CHEK1: variants seen among roughly 807,000 people sequenced by gnomAD.
The protein encoded by CHEK1 is checkpoint kinase 1, also known as serine/threonine-protein kinase Chk1.
Under a neutral mutation model 60.2 loss-of-function variants are expected in CHEK1, and 32 were observed. The observed-to-expected ratio is 0.53, with a 90% confidence interval of 0.40 to 0.71. CHEK1 has a LOEUF of 0.71. CHEK1 is among the 30% of genes least tolerant of loss of function. The probability of loss-of-function intolerance (pLI) is 0.00; values close to 1 mark genes in which losing one functional copy is unlikely to be tolerated. For synonymous variants in CHEK1, 179 were observed against 187.2 expected, an observed-to-expected ratio of 0.96 and a Z score of 0.36; for missense variants, 399 against 564.6, an observed-to-expected ratio of 0.71 and a Z score of 2.97.
At chr11:125,654,085 C>T (rs1209410715) in intron 12 of CHEK1, among the ~76,000 whole-genome samples, 1 of 151,098 alleles carries the variant, frequency 6.6e-6, no homozygotes, top group African/African-American at 2.4e-5. Context: ...AATCCCAGCA[C>T]TTTGGGAGTC....
At chr11:125,668,686 G>A (rs1007247180) in intron 13 of CHEK1, among the ~76,000 whole-genome samples, 1 of 152,106 alleles carries the variant, frequency 6.6e-6, no homozygotes, top group African/African-American at 2.4e-5. Flanking sequence ...CTGGGTAACT[G>A]GGACTATAGG....
At chr11:125,643,664 T>C (rs1489591158) in intron 8 of CHEK1, 128 bp from the exon 9 acceptor site, 1 of 654,010 alleles carries the variant, frequency 1.5e-6, no homozygotes, top group Admixed American at 3.1e-5. Flanking sequence ...TTTTATATCT[T>C]ACAAAAATTT....
intron 5 of CHEK1, 49 bp from the exon 6 acceptor site, chr11:125,633,114 A>C: frequency 1.5e-5 from 22 of 1,472,176 alleles, no homozygotes; most frequent in Middle Eastern, 1.8e-4. Context: ...AAGTATATCT[A>C]TTTGCAAAAC....
rs1390626647 is a variant in CHEK1, at chr11:125,655,824, C to T, written c.*504C>T. The T allele has an allele frequency of 9.3e-6, 2 of 213,916 alleles. No homozygotes were observed. The highest frequency in any genetic ancestry group is 1.9e-5 in the Non-Finnish European group (2 of 105,942). The allele number at this position is 213,916 out of a possible 1,614,324, so 13.3% of individuals were successfully genotyped here. ...TCCCCAAGATTTGTACTTATATTTT[C>T]AAAAGGGCCTGGCCAGTTATATAAA... On this transcript the variant is annotated 3_prime_UTR_variant, in exon 13 of 13. Coordinates refer to ENST00000438015, the MANE Select transcript of CHEK1 (RefSeq NM_001114122.3).
intron 13 of CHEK1, among the ~76,000 whole-genome samples, chr11:125,666,370 G>C (rs996254471): frequency 1.3e-5 from 2 of 151,898 alleles, no homozygotes; most frequent in South Asian, 4.1e-4. Context: ...CAATATACTT[G>C]ATATGATTTT....
downstream of CHEK1, among the ~76,000 whole-genome samples, chr11:125,660,755 A>G (rs1358759313): frequency 1.3e-5 from 2 of 151,684 alleles, no homozygotes; most frequent in African/African-American, 4.8e-5. Context: ...TTATTAACAA[A>G]AAAAAAAAAG....
chr11:125,633,414 A>T (rs1226843702), intron 6 of CHEK1, 63 bp downstream of exon 6: 10 of 1,336,646 alleles, frequency 7.5e-6, no homozygotes, highest in Non-Finnish European at 9.0e-6. Context: ...ACTGAAATAA[A>T]TGAAATAAAC....
Position 125,638,124 on chromosome 11 carries a change from C to T in CHEK1, c.814+580C>T, listed in dbSNP as rs1313836764. ...ATTTGTGGAAGAAGACCTTGTAAGCCATGTTAAGGATTTTGGGCTTTAACT... is the reference window on the plus strand; with the variant it reads ...ATTTGTGGAAGAAGACCTTGTAAGCTATGTTAAGGATTTTGGGCTTTAACT... On this transcript the variant is annotated intron_variant, in intron 8 of 12. Transcript: ENST00000438015. Among the ~76,000 whole-genome samples the T allele has an allele frequency of 2.0e-5, 3 of 152,164 alleles. No individual in the cohort carries two copies. In the East Asian group the frequency reaches 5.8e-4, roughly 29 times the overall value.
chr11:125,664,747 T>C (rs1263538721), intron 13 of CHEK1, among the ~76,000 whole-genome samples: 1 of 152,192 alleles, frequency 6.6e-6, no homozygotes, highest in African/African-American at 2.4e-5. Context: ...TTCCGATTTT[T>C]TTTTGCTGTG....
intron 13 of CHEK1, chr11:125,671,790 C>T (rs1486476856): frequency 6.6e-6 from 1 of 152,180 alleles, no homozygotes; most frequent in African/African-American, 2.4e-5. Context: ...ATGATGCCAT[C>T]TTTCCTGTCT....
intron 8 of CHEK1, among the ~76,000 whole-genome samples, chr11:125,640,307 C>T (rs536687994): frequency 2.6e-5 from 4 of 151,962 alleles, no homozygotes; most frequent in East Asian, 2.0e-4. Context: ...TTTGGGAGGC[C>T]AAGGCGGGCG....
rs1455708220 is a variant in CHEK1 at position 125,644,642 on chromosome 11, A to C, written c.1232A>C (p.Gln411Pro). Residue 411 changes from glutamine to proline, a missense_variant and splice_region_variant, in exon 11 of 13, where the codon CAG becomes CCG. Transcript: ENST00000438015. ...GYQWKKSCMNQVTISTTDRRN... is the reference protein window; with the variant it reads ...GYQWKKSCMNPVTISTTDRRN... ...CAATGGAAGAAAAGTTGTATGAATC[A>C]GGTGTGTTTCATTGATTTTCATTAT... The C allele has an allele frequency of 6.2e-7, 1 of 1,612,508 alleles. No individual in the cohort carries two copies. The highest frequency in any genetic ancestry group is 1.1e-5 in the South Asian group (1 of 90,610).
chr11:125,676,255 A>G lies in CHEK1; in HGVS notation c.*355A>G, dbSNP rs901425934. Reference sequence around the variant, plus strand: ...GAAAAAATAAAGTTCTGAATCTTCAAGTTCCTTGATTCTTTCCTGGGCCCC... The same window carrying G: ...GAAAAAATAAAGTTCTGAATCTTCAGGTTCCTTGATTCTTTCCTGGGCCCC... On this transcript the variant is annotated 3_prime_UTR_variant, in exon 14 of 14. Coordinates refer to the CHEK1 transcript ENST00000428830. 3.5e-6 allele frequency: 5 copies of G among 1,408,778 alleles called. No individual in the cohort carries two copies. The African/African-American group carries it at 5.7e-5, about 16-fold the overall frequency. The allele number at this position is 1,408,778 out of a possible 1,614,324, so 87.3% of individuals were successfully genotyped here. A position where few individuals can be genotyped will look rare whatever the true frequency, so the allele number is the denominator to read the frequency against.
rs1209886833 is a variant in CHEK1, at chr11:125,655,216, C to G, written c.1336-9C>G. On this transcript the variant is annotated splice_polypyrimidine_tract_variant and intron_variant, in intron 12 of 12. Transcript: ENST00000438015. The stretch of plus-strand genomic sequence containing the variant: ...TTGACATAATTTTTTAATACTATTT[C>G]TAATATAGGGTGATGGATTGGAGTT... The G allele has an allele frequency of 8.8e-6, 14 of 1,596,794 alleles. No homozygotes were observed. The highest frequency in any genetic ancestry group is 1.2e-5 in the Non-Finnish European group (14 of 1,168,664).
downstream of CHEK1, among the ~76,000 whole-genome samples, chr11:125,657,586 T>C (rs2136072495): frequency 6.6e-6 from 1 of 152,334 alleles, no homozygotes; most frequent in East Asian, 1.9e-4. Flanking sequence ...TTAATTAATA[T>C]GGTTTTTATT....
intron 11 of CHEK1, among the ~76,000 whole-genome samples, chr11:125,648,479 G>A (rs1162262017): frequency 6.6e-6 from 1 of 151,962 alleles, no homozygotes; most frequent in African/African-American, 2.4e-5. Context: ...CTACTCGGGA[G>A]GCTGAGGCCG....
At chr11:125,634,324 T>G in intron 6 of CHEK1, among the ~76,000 whole-genome samples, 1 of 151,854 alleles carries the variant, frequency 6.6e-6, no homozygotes, top group African/African-American at 2.4e-5. Flanking sequence ...TTTTTTGTTT[T>G]TTTGTGGTTT....
intron 8 of CHEK1, among the ~76,000 whole-genome samples, chr11:125,638,661 A>G (rs1941165402): frequency 6.6e-6 from 1 of 152,102 alleles, no homozygotes; most frequent in Non-Finnish European, 1.5e-5. Context: ...TTTGATCTGG[A>G]CATGGTACAG....
In CHEK1 at chr11:125,655,405, G is replaced by A. The variant is rs1383282654; in HGVS notation, c.*85G>A. 7.0e-6 allele frequency: 6 copies of A among 861,862 alleles called. No homozygotes were observed. Among genetic ancestry groups the A allele is most frequent in the Non-Finnish European group, 1.1e-5 (6 of 548,476 alleles). 53.4% of individuals were successfully genotyped at this position (861,862 alleles called of 1,614,324 possible). A position where few individuals can be genotyped will look rare whatever the true frequency, so the allele number is the denominator to read the frequency against. On this transcript the variant is annotated 3_prime_UTR_variant, in exon 13 of 13. Transcript: ENST00000438015. ...TTCCTAGAGAAGATTATCCTGTCCT[G>A]CAAACTGCAAATAGTAGTTCCTGAA...
Sources: allele counts gnomAD v4.1 joint callset (sites outside exome capture counted in the v4.1 genomes callset), GRCh38; gene constraint gnomAD v4.1.1; transcripts MANE v1.5; gene names NCBI Gene and HGNC (gene_info 2026-07-23, HGNC 2026-07-21).